The following KCNMA1 variants were observed in gnomAD, a reference collection of about 807,000 sequenced individuals.
KCNMA1 encodes the protein Calcium-activated potassium channel subunit alpha-1.
KCNMA1 carries 29 observed loss-of-function variants against 140.0 expected under a neutral mutation model. That is an observed-to-expected ratio of 0.21 (90% CI 0.15 to 0.28). KCNMA1 has a LOEUF of 0.28. Among genes scored for constraint, KCNMA1 ranks in the 10% least tolerant of loss-of-function variants. The pLI, the probability that KCNMA1 is intolerant of heterozygous loss-of-function variation, is 1.00. For missense variants in KCNMA1, 880 were observed against 1,602.2 expected, an observed-to-expected ratio of 0.55 and a Z score of 7.70; for synonymous variants, 612 against 611.9, an observed-to-expected ratio of 1.00 and a Z score of 0.00.
rs886047266 is a variant in KCNMA1 at position 76,886,825 on chromosome 10, AAAAG to A, written c.*437_*440del. On this transcript the variant is annotated 3_prime_UTR_variant, in exon 28 of 28. Coordinates refer to ENST00000286628, the MANE Select transcript of KCNMA1 (RefSeq NM_001161352.2). ...TGTGCTAACTTATTGTGTGTATAAAAAAAGAAAGAAAGGAAAACAACAACAACAA... is the reference window on the plus strand; with the variant it reads ...TGTGCTAACTTATTGTGTGTATAAAAAAAGAAAGGAAAACAACAACAACAA... 2.3e-4 allele frequency: 246 copies of A among 1,081,208 alleles called. No individual in the cohort carries two copies. The highest frequency in any genetic ancestry group is 8.7e-4 in the Middle Eastern group (2 of 2,306). 67.0% of individuals were successfully genotyped at this position (1,081,208 alleles called of 1,614,324 possible). A position where few individuals can be genotyped will look rare whatever the true frequency, so the allele number is the denominator to read the frequency against.
Position 76,887,264 on chromosome 10 carries a change from T to A in KCNMA1, c.*2A>T. The A allele has an allele frequency of 6.2e-7, 1 of 1,613,896 alleles. No homozygotes were observed. The highest frequency in any genetic ancestry group is 1.1e-5 in the South Asian group (1 of 91,052). On this transcript the variant is annotated 3_prime_UTR_variant, in exon 28 of 28. Coordinates refer to ENST00000286628, the MANE Select transcript of KCNMA1 (RefSeq NM_001161352.2). Reference sequence around the variant, plus strand: ...TTCACACAGTGGCGGTGGATACACATATCAAAGCCGCTCTTCCTGCACGTA... The same window carrying A: ...TTCACACAGTGGCGGTGGATACACAAATCAAAGCCGCTCTTCCTGCACGTA...
chr10:77,123,074 G>A (rs957465348), intron 5 of KCNMA1, among the ~76,000 whole-genome samples: 1 of 150,736 alleles, frequency 6.6e-6, no homozygotes, highest in Non-Finnish European at 1.5e-5. Flanking sequence ...CAGCTACGCG[G>A]GAGGCTGAGG....
intron 1 of KCNMA1, among the ~76,000 whole-genome samples, chr10:77,545,143 C>T (rs566416186): frequency 1.6e-4 from 25 of 152,270 alleles, no homozygotes; most frequent in Non-Finnish European, 2.9e-4. Context: ...TGAAGGAGTT[C>T]CTAATAGTTG....
chr10:77,502,772 A>G (rs1351251819), intron 1 of KCNMA1, among the ~76,000 whole-genome samples: 1 of 152,190 alleles, frequency 6.6e-6, no homozygotes, highest in Non-Finnish European at 1.5e-5. Flanking sequence ...GGCAATAATA[A>G]TAATACCTTC....
At chr10:76,895,140 G>A (rs754756391) in intron 25 of KCNMA1, among the ~76,000 whole-genome samples, 1 of 152,186 alleles carries the variant, frequency 6.6e-6, no homozygotes, top group East Asian at 1.9e-4. Context: ...GGTGCATGCC[G>A]CCCCTAGTCA....
At chr10:77,230,143 C>T (rs1047254660) in intron 3 of KCNMA1, among the ~76,000 whole-genome samples, 6 of 152,196 alleles carry the variant, frequency 3.9e-5, no homozygotes, top group South Asian at 2.1e-4. Flanking sequence ...CGTGCTACAA[C>T]GTGGATGAAC....
At chr10:76,878,414 T>C (rs1250393372) in intron 29 of KCNMA1, among the ~76,000 whole-genome samples, 1 of 152,206 alleles carries the variant, frequency 6.6e-6, no homozygotes, top group Non-Finnish European at 1.5e-5. Context: ...CTTAAAGCCA[T>C]GTCTCAACTA....
At chr10:77,361,764 AG>A (rs1379865456) in intron 2 of KCNMA1, among the ~76,000 whole-genome samples, 2 of 152,218 alleles carry the variant, frequency 1.3e-5, no homozygotes, top group African/African-American at 4.8e-5. Context: ...CTGGCAGGAC[AG>A]GGTGGCCACT....
At chr10:77,356,336 T>C (rs1296201881) in intron 2 of KCNMA1, among the ~76,000 whole-genome samples, 1 of 152,242 alleles carries the variant, frequency 6.6e-6, no homozygotes, top group East Asian at 1.9e-4. Flanking sequence ...ATGTGTTTAA[T>C]TATAGTAAAA....
At chr10:77,080,657 G>T (rs1165127363) in intron 12 of KCNMA1, among the ~76,000 whole-genome samples, 1 of 152,104 alleles carries the variant, frequency 6.6e-6, no homozygotes, top group Non-Finnish European at 1.5e-5. Flanking sequence ...GTGCGTACTG[G>T]GGAGTAGGGG....
chr10:76,903,765 C>T (rs924773831), intron 25 of KCNMA1: 24 of 152,206 alleles, frequency 1.6e-4, no homozygotes, highest in African/African-American at 5.8e-4. Context: ...AAGGGTTTGG[C>T]CCTTAATGAA....
chr10:77,596,110 T>C (rs923511144), intron 1 of KCNMA1, among the ~76,000 whole-genome samples: 3 of 152,058 alleles, frequency 2.0e-5, no homozygotes, highest in African/African-American at 7.2e-5. Context: ...CCCAAACATG[T>C]AATGTTCACC....
At chr10:77,228,739 T>C (rs2052468669) in intron 3 of KCNMA1, among the ~76,000 whole-genome samples, 2 of 151,992 alleles carry the variant, frequency 1.3e-5, no homozygotes, top group African/African-American at 2.4e-5. Flanking sequence ...TCCCGGCTAC[T>C]GCTTTGCTCT....
At chr10:77,506,662 A>G in intron 1 of KCNMA1, among the ~76,000 whole-genome samples, 1 of 136,362 alleles carries the variant, frequency 7.3e-6, no homozygotes, top group Admixed American at 7.3e-5. Context: ...AGAGAGAGAG[A>G]GAGAGCTTTG....
chr10:76,908,422 T>C (rs927941897), intron 25 of KCNMA1, among the ~76,000 whole-genome samples: 3 of 152,260 alleles, frequency 2.0e-5, no homozygotes, highest in African/African-American at 7.2e-5. Flanking sequence ...TTAACCTTAA[T>C]TCAGACGAAT....
intron 2 of KCNMA1, among the ~76,000 whole-genome samples, chr10:77,333,280 C>T (rs552280598): frequency 2.0e-5 from 3 of 149,396 alleles, no homozygotes; most frequent in African/African-American, 7.4e-5. Flanking sequence ...CCTGTAAGTC[C>T]AGTACTTTGG....
chr10:77,283,181 T>A (rs564780054), intron 2 of KCNMA1, among the ~76,000 whole-genome samples: 2 of 152,366 alleles, frequency 1.3e-5, no homozygotes, highest in African/African-American at 4.8e-5. Context: ...CTGCACAGGC[T>A]GTGTTGCAGA....
chr10:77,272,836 C>A (rs2065549010), intron 2 of KCNMA1, among the ~76,000 whole-genome samples: 1 of 152,102 alleles, frequency 6.6e-6, no homozygotes. Context: ...AGATTCCTTG[C>A]CAGGGGTACA....
chr10:76,927,122 T>C (rs912857827), intron 23 of KCNMA1, among the ~76,000 whole-genome samples: 11 of 152,242 alleles, frequency 7.2e-5, no homozygotes, highest in African/African-American at 2.2e-4. Flanking sequence ...AAACGTGATC[T>C]CCAACAAAAT....
Sources: allele counts gnomAD v4.1 joint callset (sites outside exome capture counted in the v4.1 genomes callset), GRCh38; gene constraint gnomAD v4.1.1; transcripts MANE v1.5; gene names NCBI Gene and HGNC (gene_info 2026-07-23, HGNC 2026-07-21).